Variants in CALN1 observed in about 807,000 individuals in gnomAD.
CALN1 encodes calcium-binding protein 8.
A neutral mutation model predicts 30.6 loss-of-function variants in CALN1; 17 were observed. The ratio of observed to expected loss-of-function variants is 0.56; its 90% CI spans 0.38 to 0.83. CALN1 has a LOEUF of 0.83. Ranked by LOEUF, CALN1 falls within the 40% of genes least tolerant of loss-of-function variation. CALN1 has a pLI of 0.00. For missense variants in CALN1, 291 were observed against 354.9 expected (o/e 0.82, Z 1.45); for synonymous variants, 156 against 131.4 (o/e 1.19, Z -1.28).
At chr7:72,426,492 C>T (rs368354860) in intron 1 of CALN1, among the ~76,000 whole-genome samples, 4 of 152,196 alleles carry the variant, frequency 2.6e-5, no homozygotes, top group South Asian at 4.1e-4. Flanking sequence ...CTTCCCCTTC[C>T]GCCATGAGTG....
intron 4 of CALN1, among the ~76,000 whole-genome samples, chr7:72,102,197 C>T (rs1806720732): frequency 6.6e-6 from 1 of 152,150 alleles, no homozygotes; most frequent in Non-Finnish European, 1.5e-5. Flanking sequence ...GTAATCCCAG[C>T]ACTTTGGGAG....
At chr7:71,862,567 C>T (rs1310978464) in intron 5 of CALN1, among the ~76,000 whole-genome samples, 1 of 152,204 alleles carries the variant, frequency 6.6e-6, no homozygotes, top group African/African-American at 2.4e-5. Flanking sequence ...TATTACACCT[C>T]TTTCTTTTAT....
chr7:71,872,084 C>T (rs1022538373), intron 5 of CALN1, among the ~76,000 whole-genome samples: 1 of 152,126 alleles, frequency 6.6e-6, no homozygotes, highest in Non-Finnish European at 1.5e-5. Context: ...TTTAAATAAC[C>T]ATATGTAGCT....
intron 2 of CALN1, among the ~76,000 whole-genome samples, chr7:72,378,891 T>C (rs1276181191): frequency 6.6e-6 from 1 of 152,146 alleles, no homozygotes; most frequent in African/African-American, 2.4e-5. Context: ...TCTGAAAGTT[T>C]TTCTTTTTAA....
chr7:71,861,799 AAG>A (rs1295252426), intron 5 of CALN1, among the ~76,000 whole-genome samples: 2 of 148,052 alleles, frequency 1.4e-5, no homozygotes, highest in African/African-American at 5.0e-5. Context: ...AAAAAAAAAA[AAG>A]AGAGAGAGAG....
Position 71,784,950 on chromosome 7 carries a change from C to T in CALN1, c.*2825G>A. On this transcript the variant is annotated 3_prime_UTR_variant, in exon 7 of 7. Transcript: ENST00000395275. ...TGTGAACAGGGCTGGGAGTTGGCTGCCTGACAAGGAAGGCTTCCCTATACC... is the reference window on the plus strand; with the variant it reads ...TGTGAACAGGGCTGGGAGTTGGCTGTCTGACAAGGAAGGCTTCCCTATACC... 1 of 398,292 alleles carries T rather than the reference C, an allele frequency of 2.5e-6. No individual in the cohort carries two copies. 24.7% of individuals were successfully genotyped at this position (398,292 alleles called of 1,614,324 possible).
intron 5 of CALN1, among the ~76,000 whole-genome samples, chr7:71,828,924 T>C (rs1247296480): frequency 6.6e-6 from 1 of 152,008 alleles, no homozygotes; most frequent in Non-Finnish European, 1.5e-5. Flanking sequence ...AATTTTTGTA[T>C]TTTTAGTAGA....
chr7:71,983,377 C>G (rs551857083), intron 5 of CALN1, among the ~76,000 whole-genome samples: 120 of 152,182 alleles, frequency 7.9e-4, no homozygotes, highest in Non-Finnish European at 1.6e-3. Flanking sequence ...GCAACCTAAC[C>G]AATGATATAG....
chr7:72,081,940 T>A (rs1027212627), intron 4 of CALN1, among the ~76,000 whole-genome samples: 1 of 152,136 alleles, frequency 6.6e-6, no homozygotes. Flanking sequence ...GAGGTTTTCA[T>A]TCATGGTAGA....
At chr7:71,852,881 G>A (rs1236312907) in intron 5 of CALN1, among the ~76,000 whole-genome samples, 1 of 152,146 alleles carries the variant, frequency 6.6e-6, no homozygotes, top group East Asian at 1.9e-4. Context: ...ATAACTAGAT[G>A]TTGAGCACAA....
chr7:72,117,559 G>A (rs181027467), intron 3 of CALN1, among the ~76,000 whole-genome samples: 2 of 152,274 alleles, frequency 1.3e-5, no homozygotes, highest in Non-Finnish European at 2.9e-5. Flanking sequence ...ATCATGGCCA[G>A]AATTCAGTTT....
intron 3 of CALN1, among the ~76,000 whole-genome samples, chr7:72,194,967 C>T (rs899403704): frequency 3.3e-5 from 5 of 152,108 alleles, no homozygotes; most frequent in East Asian, 1.9e-4. Flanking sequence ...AGATCAACTC[C>T]TCATTCTAAT....
chr7:72,138,556 G>C (rs1037193690), intron 3 of CALN1, among the ~76,000 whole-genome samples: 1 of 62,512 alleles, frequency 1.6e-5, no homozygotes, highest in Non-Finnish European at 2.9e-5. Flanking sequence ...CAAAGGAGAC[G>C]GGGACTGCCC....
At chr7:72,176,834 CCT>C (rs1789392180) in intron 3 of CALN1, among the ~76,000 whole-genome samples, 1 of 152,022 alleles carries the variant, frequency 6.6e-6, no homozygotes, top group African/African-American at 2.4e-5. Flanking sequence ...AATTTTCCAC[CCT>C]GTCTTATTTG....
chr7:72,472,487 G>A, the CALN1 span, among the ~76,000 whole-genome samples: 867 of 152,224 alleles, frequency 5.7e-3, 9 homozygotes, highest in African/African-American at 0.019. Flanking sequence ...GTTCTGCAAC[G>A]AAAGGTGTGT....
intron 2 of CALN1, among the ~76,000 whole-genome samples, chr7:72,283,707 G>C (rs1383219273): frequency 6.6e-6 from 1 of 152,242 alleles, no homozygotes. Context: ...AGGAGGGTCA[G>C]TGAGACCTGA....
chr7:72,322,950 T>A (rs1800994459), intron 2 of CALN1, among the ~76,000 whole-genome samples: 1 of 150,428 alleles, frequency 6.6e-6, no homozygotes. Context: ...TCAAAAAAAT[T>A]TTTAAATAAA....
rs189737634 is a variant in CALN1 at position 72,282,331 on chromosome 7, C to T, written c.120-3521G>A. On this transcript the variant is annotated intron_variant, in intron 2 of 6. Transcript: ENST00000395275. ...TTTCACTCACTGTGAAATATTTAAG[C>T]GACTGTCATGAAAACAATCTTTCTG... is the stretch of plus-strand genomic sequence containing the variant. 2.5e-3 allele frequency among the ~76,000 whole-genome samples: 379 copies of T among 152,244 alleles called. 3 individuals carry two copies. The highest frequency in any genetic ancestry group is 8.5e-3 in the African/African-American group (355 of 41,564).
intron 5 of CALN1, among the ~76,000 whole-genome samples, chr7:71,999,183 T>C (rs1360842437): frequency 1.3e-5 from 2 of 152,070 alleles, no homozygotes; most frequent in Non-Finnish European, 2.9e-5. Flanking sequence ...GCTACATCAA[T>C]ACAAATAAAG....
Sources: gnomAD v4.1 joint callset for allele counts (sites outside exome capture counted in the v4.1 genomes callset) on GRCh38, gnomAD v4.1.1 for gene constraint, MANE v1.5 for transcripts, NCBI Gene and HGNC (gene_info 2026-07-23, HGNC 2026-07-21) for gene names.